OPN5: variants seen among roughly 807,000 people sequenced by gnomAD.
OPN5 encodes the protein opsin-5.
OPN5 carries 18 observed loss-of-function variants against 41.7 expected under a neutral mutation model. The ratio of observed to expected loss-of-function variants is 0.43; its 90% CI spans 0.30 to 0.64. OPN5 has a LOEUF of 0.64. Among genes scored for constraint, OPN5 ranks in the 30% least tolerant of loss-of-function variants. The pLI is 0.13. For missense variants in OPN5, 318 were observed against 434.5 expected, an observed-to-expected ratio of 0.73 and a Z score of 2.38; for synonymous variants, 178 against 164.3, an observed-to-expected ratio of 1.08 and a Z score of -0.64.
At chr6:47,801,783 TTGA>T (rs1306250355) in intron 4 of OPN5, among the ~76,000 whole-genome samples, 1 of 150,184 alleles carries the variant, frequency 6.7e-6, no homozygotes, top group African/African-American at 2.4e-5. Flanking sequence ...TTACCACTAC[TTGA>T]TGAGACCTGA....
chr6:47,818,672 C>T (rs1013878962), intron 6 of OPN5, among the ~76,000 whole-genome samples: 3 of 152,108 alleles, frequency 2.0e-5, no homozygotes, highest in African/African-American at 7.2e-5. Context: ...GGAAGGTGTT[C>T]CAAGGTGAGA....
intron 5 of OPN5, among the ~76,000 whole-genome samples, chr6:47,811,361 G>C (rs1774194268): frequency 6.6e-6 from 1 of 152,136 alleles, no homozygotes; most frequent in Non-Finnish European, 1.5e-5. Context: ...TTCAGTAGGT[G>C]AATCACAAGG....
exon 1 of OPN5, chr6:47,782,191 T>C (rs1464761466): frequency 3.7e-6 from 6 of 1,612,986 alleles, no homozygotes; most frequent in Admixed American, 1.7e-5. Context: ...TACCTAACAA[T>C]AATTGGTAAG....
chr6:47,792,649 C>A (rs1469809053), intron 3 of OPN5, among the ~76,000 whole-genome samples: 1 of 152,140 alleles, frequency 6.6e-6, no homozygotes, highest in Non-Finnish European at 1.5e-5. Flanking sequence ...TTGGAGCTCT[C>A]GGAATTTATC....
rs1762263257 is a variant in OPN5, at chr6:47,812,169, G to A, written c.1056+438G>A. Among the ~76,000 whole-genome samples the A allele has an allele frequency of 3.3e-5, 5 of 152,196 alleles. No homozygotes were observed. The South Asian group carries it at 8.3e-4, about 25-fold the overall frequency. On this transcript the variant is annotated intron_variant, in intron 6 of 6. Coordinates refer to ENST00000371211, the Ensembl canonical transcript of OPN5. ...ATGTTGGGCCATGGCTCTTTGGTAG[G>A]TACTTTGGTTCTCACAGCCATTTTT...
intron 6 of OPN5, among the ~76,000 whole-genome samples, chr6:47,816,164 G>T (rs1374613314): frequency 6.6e-6 from 1 of 152,162 alleles, no homozygotes; most frequent in Admixed American, 6.6e-5. Flanking sequence ...TTAAGCACCT[G>T]CCATATACAC....
chr6:47,808,921 A>G (rs1774082102), intron 5 of OPN5, among the ~76,000 whole-genome samples: 1 of 152,190 alleles, frequency 6.6e-6, no homozygotes, highest in Non-Finnish European at 1.5e-5. Flanking sequence ...TGTCAGAAGA[A>G]GAAATTGAGG....
intron 6 of OPN5, among the ~76,000 whole-genome samples, chr6:47,815,947 T>C (rs1762416305): frequency 6.6e-6 from 1 of 152,156 alleles, no homozygotes; most frequent in African/African-American, 2.4e-5. Flanking sequence ...CTTTGAACCC[T>C]CTTTCCTTAG....
intron 4 of OPN5, among the ~76,000 whole-genome samples, chr6:47,807,682 A>G (rs1320238237): frequency 2.6e-5 from 4 of 152,156 alleles, no homozygotes; most frequent in Non-Finnish European, 5.9e-5. Flanking sequence ...AAAAGAAATA[A>G]CATTTAATAG....
chr6:47,822,383 G>GA (rs982885954), intron 6 of OPN5, among the ~76,000 whole-genome samples: 1 of 152,038 alleles, frequency 6.6e-6, no homozygotes, highest in Admixed American at 6.5e-5. Context: ...TTTCCTTATT[G>GA]AAAAAAATAT....
chr6:47,799,525 G>GT (rs1228822120), intron 4 of OPN5, among the ~76,000 whole-genome samples: 1 of 152,120 alleles, frequency 6.6e-6, no homozygotes, highest in Non-Finnish European at 1.5e-5. Flanking sequence ...CTTAGTTATA[G>GT]TTTTCATGGG....
chr6:47,803,520 CT>C (rs1002488308), intron 4 of OPN5, among the ~76,000 whole-genome samples: 7 of 152,294 alleles, frequency 4.6e-5, no homozygotes, highest in Middle Eastern at 3.4e-3. Context: ...GTGATCTCTC[CT>C]GGGAACATTT....
exon 7 of OPN5, chr6:47,824,272 G>C (rs1158207666): frequency 1.9e-5 from 9 of 462,402 alleles, no homozygotes; most frequent in Non-Finnish European, 3.5e-5. Context: ...CCTCGGTCTC[G>C]TCAGTAAGGA....
At chr6:47,822,310 C>T (rs1311612864) in intron 6 of OPN5, among the ~76,000 whole-genome samples, 3 of 152,042 alleles carry the variant, frequency 2.0e-5, no homozygotes, top group East Asian at 1.9e-4. Flanking sequence ...TGGAAATAAA[C>T]ATGGACAAGA....
rs376254032 is a variant in OPN5, at chr6:47,798,158, T to C, written c.756+2595T>C. 3.9e-5 allele frequency among the ~76,000 whole-genome samples: 6 copies of C among 152,212 alleles called. No homozygotes were observed. In the East Asian group the frequency reaches 9.6e-4, roughly 24 times the overall value. On this transcript the variant is annotated intron_variant, in intron 4 of 6. Coordinates refer to ENST00000371211, the Ensembl canonical transcript of OPN5. Reference sequence around the variant, plus strand: ...TATTATAGCACATAATATGTAATATTATATTAAGAACATGTCTATATTTTA... The same window carrying C: ...TATTATAGCACATAATATGTAATATCATATTAAGAACATGTCTATATTTTA...
At chr6:47,786,545 T>G in exon 2 of OPN5, 1 of 1,610,156 alleles carries the variant, frequency 6.2e-7, no homozygotes, top group Non-Finnish European at 8.5e-7. Context: ...AATGGATATG[T>G]CCTTTACATG....
intron 6 of OPN5, among the ~76,000 whole-genome samples, chr6:47,821,621 A>T (rs564531598): frequency 6.6e-6 from 1 of 152,346 alleles, no homozygotes; most frequent in South Asian, 2.1e-4. Flanking sequence ...ATTTTAGTAT[A>T]TGTAAATTGT....
chr6:47,795,166 C>A, intron 3 of OPN5, 63 bp from the exon 4 acceptor site: 1 of 1,202,888 alleles, frequency 8.3e-7, no homozygotes, highest in Non-Finnish European at 1.1e-6. Flanking sequence ...TTTGACATAT[C>A]GAGGGGAGGT....
Position 47,797,228 on chromosome 6 carries a change from C to G in OPN5, c.756+1665C>G, listed in dbSNP as rs16876549. On this transcript the variant is annotated intron_variant, in intron 4 of 6. Coordinates refer to ENST00000371211, the Ensembl canonical transcript of OPN5. ...TCCAGTTGACTGTTATGCTCAAACTCTACATGCCAAGTAGAGGAAGCTTTG... is the reference window on the plus strand; with the variant it reads ...TCCAGTTGACTGTTATGCTCAAACTGTACATGCCAAGTAGAGGAAGCTTTG... 6.7e-4 allele frequency among the ~76,000 whole-genome samples: 102 copies of G among 152,256 alleles called. 1 individual carries two copies. Among genetic ancestry groups the G allele is most frequent in the African/African-American group, 2.4e-3 (100 of 41,558 alleles).
Sources: allele counts gnomAD v4.1 joint callset (sites outside exome capture counted in the v4.1 genomes callset), GRCh38; gene constraint gnomAD v4.1.1; transcripts MANE v1.5; gene names NCBI Gene and HGNC (gene_info 2026-07-23, HGNC 2026-07-21).